Variants in TANGO6 observed in about 807,000 individuals in gnomAD.
TANGO6 encodes transport and Golgi organization protein 6 homolog.
Under a neutral mutation model 114.2 loss-of-function variants are expected in TANGO6, and 90 were observed. That is an observed-to-expected ratio of 0.79 (90% CI 0.66 to 0.94). TANGO6 has a LOEUF of 0.94. TANGO6 is among the 40% of genes least tolerant of loss of function. The pLI, the probability that TANGO6 is intolerant of heterozygous loss-of-function variation, is 0.00. For missense variants in TANGO6, 1,274 were observed against 1,315.3 expected (o/e 0.97, Z 0.49); for synonymous variants, 477 against 509.8 (o/e 0.94, Z 0.87).
chr16:68,854,147 A>T (rs1961948531), intron 1 of TANGO6, among the ~76,000 whole-genome samples: 1 of 152,040 alleles, frequency 6.6e-6, no homozygotes, highest in Non-Finnish European at 1.5e-5. Flanking sequence ...CTTTTGGCTC[A>T]TGCTTTTTAT....
intron 17 of TANGO6, among the ~76,000 whole-genome samples, chr16:69,052,914 G>C (rs1179761771): frequency 5.3e-5 from 8 of 152,108 alleles, no homozygotes; most frequent in Admixed American, 5.2e-4. Flanking sequence ...TTCGAGACCA[G>C]CCTGGCCAAC....
At chr16:69,027,887 TCTC>T (rs1027424880) in intron 16 of TANGO6, among the ~76,000 whole-genome samples, 65 of 152,192 alleles carry the variant, frequency 4.3e-4, no homozygotes, top group Admixed American at 1.2e-3. Context: ...TTCGAGCAAT[TCTC>T]CTGCTACAGC....
Position 69,068,475 on chromosome 16 carries a change from G to A in TANGO6, c.3109-15010G>A, listed in dbSNP as rs938083615. 5.3e-5 allele frequency among the ~76,000 whole-genome samples: 8 copies of A among 152,304 alleles called. No individual in the cohort carries two copies. The South Asian group carries it at 1.0e-3, about 20-fold the overall frequency. The stretch of plus-strand genomic sequence containing the variant: ...ATTGTGTTGTGGGGATTGAGTTAAT[G>A]TAGACAAAATGCCTGGAATCATACC... On this transcript the variant is annotated intron_variant, in intron 17 of 17. Coordinates refer to ENST00000261778, the MANE Select transcript of TANGO6 (RefSeq NM_024562.2).
At chr16:69,023,241 C>A (rs542133140) in intron 16 of TANGO6, among the ~76,000 whole-genome samples, 1 of 151,934 alleles carries the variant, frequency 6.6e-6, no homozygotes, top group South Asian at 2.1e-4. Flanking sequence ...AGATTGCTTG[C>A]GGCCAGGAGT....
chr16:69,061,904 A>G (rs889871655), intron 17 of TANGO6, among the ~76,000 whole-genome samples: 3 of 151,970 alleles, frequency 2.0e-5, no homozygotes, highest in Non-Finnish European at 2.9e-5. Context: ...CTATAGTCCC[A>G]GCTAGTCAGG....
chr16:69,035,817 C>T (rs953906748), intron 16 of TANGO6: 2 of 152,324 alleles, frequency 1.3e-5, no homozygotes, highest in East Asian at 1.9e-4. Flanking sequence ...TTTAGGAGGC[C>T]AAGGTGGGCA....
At chr16:69,017,533 C>G (rs1959320817) in intron 15 of TANGO6, among the ~76,000 whole-genome samples, 1 of 152,126 alleles carries the variant, frequency 6.6e-6, no homozygotes, top group African/African-American at 2.4e-5. Flanking sequence ...AAGGAACCTT[C>G]TTCCTTTAAC....
intron 14 of TANGO6, among the ~76,000 whole-genome samples, chr16:68,953,240 C>T (rs781014547): frequency 3.3e-5 from 5 of 151,946 alleles, no homozygotes; most frequent in African/African-American, 7.3e-5. Flanking sequence ...CGCACCACCA[C>T]GCCTGGCTAG....
intron 15 of TANGO6, among the ~76,000 whole-genome samples, chr16:69,002,533 G>C (rs1242096629): frequency 6.6e-6 from 1 of 152,052 alleles, no homozygotes; most frequent in East Asian, 1.9e-4. Flanking sequence ...CCCTGCTCTT[G>C]CTTGCTCTCT....
chr16:68,888,251 G>A lies in TANGO6; in HGVS notation c.1377+7621G>A, dbSNP rs372916587. Among the ~76,000 whole-genome samples the A allele has an allele frequency of 1.2e-4, 18 of 152,266 alleles. No homozygotes were observed. The East Asian group carries it at 2.9e-3, about 24-fold the overall frequency. On this transcript the variant is annotated intron_variant, in intron 7 of 17. Coordinates refer to ENST00000261778, the MANE Select transcript of TANGO6 (RefSeq NM_024562.2). ...TCCATTCTCTCCTTCTGCTCTGAAT[G>A]CCTGGGGCCCAATCCCTAGAATGCT...
At chr16:68,846,081 A>G (rs527642980) in intron 1 of TANGO6, among the ~76,000 whole-genome samples, 2 of 152,208 alleles carry the variant, frequency 1.3e-5, no homozygotes, top group Admixed American at 1.3e-4. Context: ...GCTGGAGTGC[A>G]GTGGCGCAAT....
At chr16:69,035,758 G>A (rs1193935799) in intron 16 of TANGO6, 1 of 152,204 alleles carries the variant, frequency 6.6e-6, no homozygotes, top group African/African-American at 2.4e-5. Context: ...GGTGACAAAA[G>A]GATGAATTTC....
At chr16:68,999,661 T>G in intron 15 of TANGO6, among the ~76,000 whole-genome samples, 1 of 152,252 alleles carries the variant, frequency 6.6e-6, no homozygotes, top group East Asian at 1.9e-4. Context: ...AAACTTTGTT[T>G]TATACTCCTT....
At chr16:68,883,018 A>AAAAT (rs1280679854) in intron 7 of TANGO6, among the ~76,000 whole-genome samples, 4 of 152,138 alleles carry the variant, frequency 2.6e-5, no homozygotes, top group African/African-American at 4.8e-5. Flanking sequence ...ACTCTGTCTC[A>AAAAT]AAATAAATAA....
At chr16:68,936,984 A>G (rs968272292) in intron 14 of TANGO6, among the ~76,000 whole-genome samples, 4 of 152,172 alleles carry the variant, frequency 2.6e-5, no homozygotes, top group African/African-American at 9.7e-5. Context: ...GAGTGGAGGG[A>G]AGGCAAAAGC....
intron 15 of TANGO6, among the ~76,000 whole-genome samples, chr16:68,991,462 A>G (rs376091592): frequency 1.9e-4 from 29 of 152,000 alleles, no homozygotes; most frequent in Admixed American, 8.5e-4. Flanking sequence ...CTAAAAATAG[A>G]AAAAGCTACT....
chr16:68,962,063 AATATC>A (rs781646155), intron 14 of TANGO6, among the ~76,000 whole-genome samples: 16 of 152,210 alleles, frequency 1.1e-4, no homozygotes, highest in Admixed American at 2.0e-4. Context: ...AGAGAAGCTA[AATATC>A]AAATTGGCAT....
chr16:69,059,250 T>C (rs1960080044), intron 17 of TANGO6, among the ~76,000 whole-genome samples: 3 of 151,966 alleles, frequency 2.0e-5, no homozygotes, highest in South Asian at 4.1e-4. Context: ...TTTGTATTTT[T>C]AGTAGAGATG....
rs1555526453 is a variant in TANGO6 at position 68,980,383 on chromosome 16, T to TCTCTCTCTCTCTCTCTCTC, written c.2842+6215_2842+6216insCTCTCTCTCTCTCTCTCTC. Among the ~76,000 whole-genome samples, 92 of 36,774 alleles carry TCTCTCTCTCTCTCTCTCTC rather than the reference T, an allele frequency of 2.5e-3. 6 individuals are homozygous for TCTCTCTCTCTCTCTCTCTC. The highest frequency in any genetic ancestry group is 4.4e-3 in the Admixed American group (13 of 2,930). 24.1% of individuals were successfully genotyped at this position (36,774 alleles called of 152,430 possible). On this transcript the variant is annotated intron_variant, in intron 15 of 17. Coordinates refer to ENST00000261778, the MANE Select transcript of TANGO6 (RefSeq NM_024562.2). ...TGAGTATGAATCTATCTGTCTGTCA[T>TCTCTCTCTCTCTCTCTCTC]TCTCTCTCTCTCTCTCTCTCTCTCT... is the stretch of plus-strand genomic sequence containing the variant.
Sources: allele counts gnomAD v4.1 joint callset (sites outside exome capture counted in the v4.1 genomes callset), GRCh38; gene constraint gnomAD v4.1.1; transcripts MANE v1.5; gene names NCBI Gene and HGNC (gene_info 2026-07-23, HGNC 2026-07-21).